Variants in NRG1 observed in about 807,000 individuals in gnomAD.
NRG1 encodes pro-neuregulin-1, membrane-bound isoform.
Under a neutral mutation model 63.8 loss-of-function variants are expected in NRG1, and 18 were observed. The ratio of observed to expected loss-of-function variants is 0.28; its 90% CI spans 0.19 to 0.42. NRG1 has a LOEUF of 0.42. Among genes scored for constraint, NRG1 ranks in the 10% least tolerant of loss-of-function variants. The pLI, the probability that NRG1 is intolerant of heterozygous loss-of-function variation, is 1.00. For synonymous variants in NRG1, 302 were observed against 301.3 expected (o/e 1.00, Z -0.02); for missense variants, 762 against 814.7 (o/e 0.94, Z 0.79).
intron 1 of NRG1, among the ~76,000 whole-genome samples, chr8:32,216,438 A>T (rs1264314671): frequency 6.7e-6 from 1 of 148,604 alleles, no homozygotes; most frequent in Non-Finnish European, 1.5e-5. Flanking sequence ...ATATTATTAG[A>T]TATTAATATA....
intron 5 of NRG1, chr8:32,647,773 C>A (rs940766833): frequency 8.1e-6 from 13 of 1,609,200 alleles, no homozygotes; most frequent in Non-Finnish European, 1.1e-5. Context: ...TCCTCCAGCC[C>A]CTCCACTCAG....
chr8:31,920,187 ATTTTG>A (rs1241880550), intron 1 of NRG1, among the ~76,000 whole-genome samples: 2 of 152,104 alleles, frequency 1.3e-5, no homozygotes, highest in African/African-American at 2.4e-5. Flanking sequence ...TTGAGCTGTA[ATTTTG>A]TTTTATTTGC....
chr8:32,004,805 T>G (rs1274572684), intron 1 of NRG1, among the ~76,000 whole-genome samples: 1 of 151,584 alleles, frequency 6.6e-6, no homozygotes, highest in East Asian at 2.0e-4. Flanking sequence ...AAAAATGGGA[T>G]GGAGAGTGTG....
chr8:31,827,420 T>A (rs1354592208), intron 1 of NRG1, among the ~76,000 whole-genome samples: 1 of 152,114 alleles, frequency 6.6e-6, no homozygotes, highest in Non-Finnish European at 1.5e-5. Context: ...AGTGAGGTGA[T>A]CCTCTCCTTC....
At chr8:31,806,861 A>G (rs943325316) in intron 1 of NRG1, among the ~76,000 whole-genome samples, 3 of 152,238 alleles carry the variant, frequency 2.0e-5, no homozygotes, top group African/African-American at 7.2e-5. Context: ...CCTGTCATCA[A>G]TTTAACAGCT....
exon 5 of NRG1, chr8:32,616,852 T>C (rs1448117112): frequency 1.2e-6 from 2 of 1,601,890 alleles, no homozygotes; most frequent in South Asian, 1.1e-5. Flanking sequence ...CATTAGAATA[T>C]CAGTATCCAC....
downstream of NRG1, among the ~76,000 whole-genome samples, chr8:32,772,492 TGAG>T (rs1831883612): frequency 1.3e-5 from 2 of 152,146 alleles, no homozygotes; most frequent in Admixed American, 1.3e-4. Flanking sequence ...ATATAATTCA[TGAG>T]GACATTTTAT....
At chr8:32,080,466 C>T (rs1048811709) in intron 1 of NRG1, among the ~76,000 whole-genome samples, 5 of 152,120 alleles carry the variant, frequency 3.3e-5, no homozygotes, top group Non-Finnish European at 7.4e-5. Flanking sequence ...CAGACAGTGA[C>T]AGTCGTGGGA....
rs114721360 is a variant in NRG1 at position 32,555,345 on chromosome 8, C to T, written c.100+6519C>T. 5.5e-3 allele frequency among the ~76,000 whole-genome samples: 836 copies of T among 152,334 alleles called. 6 individuals are homozygous for T. The highest frequency in any genetic ancestry group is 0.019 in the African/African-American group (787 of 41,584). ...AGATCTTTACTAACACATTTGTTTT[C>T]ATCTCTTCCTATCTCTCTGTTTCCT... On this transcript the variant is annotated intron_variant, in intron 1 of 11. Transcript: ENST00000356819.
At chr8:32,412,820 T>C (rs1815301357) in intron 1 of NRG1, among the ~76,000 whole-genome samples, 1 of 152,154 alleles carries the variant, frequency 6.6e-6, no homozygotes, top group Admixed American at 6.5e-5. Flanking sequence ...ATGGGACCAG[T>C]TGTATATGTG....
chr8:32,274,854 T>G (rs1304891421), intron 1 of NRG1, among the ~76,000 whole-genome samples: 1 of 152,050 alleles, frequency 6.6e-6, no homozygotes, highest in Non-Finnish European at 1.5e-5. Flanking sequence ...GATTAATGTC[T>G]CTCTGGGAAA....
chr8:32,356,478 C>G (rs1381923735), intron 1 of NRG1, among the ~76,000 whole-genome samples: 6 of 121,304 alleles, frequency 4.9e-5, no homozygotes, highest in Admixed American at 4.6e-4. Flanking sequence ...GTTGGGACCC[C>G]CCCCCCACCC....
chr8:31,692,234 A>G (rs1184509721), intron 1 of NRG1, among the ~76,000 whole-genome samples: 1 of 152,226 alleles, frequency 6.6e-6, no homozygotes, highest in African/African-American at 2.4e-5. Flanking sequence ...AATGAGTCAT[A>G]GAAGAATTTC....
At chr8:32,521,272 T>G (rs1445865936) in intron 1 of NRG1, among the ~76,000 whole-genome samples, 1 of 152,194 alleles carries the variant, frequency 6.6e-6, no homozygotes, top group Non-Finnish European at 1.5e-5. Flanking sequence ...TGTCTTTCCC[T>G]AAAGCAATAA....
intron 1 of NRG1, among the ~76,000 whole-genome samples, chr8:31,969,157 A>G (rs1257266258): frequency 1.3e-5 from 2 of 152,160 alleles, no homozygotes; most frequent in Non-Finnish European, 2.9e-5. Context: ...CATTCCTTCC[A>G]TCTGTCTACT....
chr8:32,007,251 C>A (rs933302953), intron 1 of NRG1, among the ~76,000 whole-genome samples: 1 of 151,922 alleles, frequency 6.6e-6, no homozygotes, highest in Non-Finnish European at 1.5e-5. Flanking sequence ...TACTAGAAGC[C>A]AAGATGAAGG....
chr8:32,312,157 GTT>G (rs35888973), intron 1 of NRG1, among the ~76,000 whole-genome samples: 1,338 of 74,344 alleles, frequency 0.018, 11 homozygotes, highest in African/African-American at 0.07. Context: ...GACCTTGTTT[GTT>G]TTTTTTTTTT....
intron 1 of NRG1, among the ~76,000 whole-genome samples, chr8:32,562,819 G>A (rs986660393): frequency 3.9e-5 from 6 of 152,144 alleles, no homozygotes; most frequent in Non-Finnish European, 8.8e-5. Context: ...AGAAGACAGA[G>A]GAGGACTAAC....
At chr8:31,973,564 T>C (rs1189163778) in intron 1 of NRG1, among the ~76,000 whole-genome samples, 4 of 152,196 alleles carry the variant, frequency 2.6e-5, no homozygotes, top group Admixed American at 2.0e-4. Context: ...AGCCAGTTGA[T>C]GCCATGTCTC....
Sources: allele counts gnomAD v4.1 joint callset (sites outside exome capture counted in the v4.1 genomes callset), GRCh38; gene constraint gnomAD v4.1.1; transcripts MANE v1.5; gene names NCBI Gene and HGNC (gene_info 2026-07-23, HGNC 2026-07-21).